IFT43: variants seen among roughly 807,000 people sequenced by gnomAD.
The protein encoded by IFT43 is intraflagellar transport protein 43 homolog.
A neutral mutation model predicts 32.3 loss-of-function variants in IFT43; 33 were observed. That is an observed-to-expected ratio of 1.02 (90% CI 0.77 to 1.37). The LOEUF (loss-of-function observed/expected upper bound fraction) is 1.37, where lower values mean the gene tolerates loss of function less well. Ranked by LOEUF, IFT43 falls within the 40% of genes most tolerant of loss-of-function variation. The pLI, the probability that IFT43 is intolerant of heterozygous loss-of-function variation, is 0.00. For missense variants in IFT43, 274 were observed against 265.9 expected (o/e 1.03, Z -0.21); for synonymous variants, 93 against 98.2 (o/e 0.95, Z 0.31).
At chr14:76,053,083 CTCT>C (rs2036945538) in intron 3 of IFT43, among the ~76,000 whole-genome samples, 1 of 152,082 alleles carries the variant, frequency 6.6e-6, no homozygotes, top group African/African-American at 2.4e-5. Flanking sequence ...TGAGCTCCTC[CTCT>C]GTGAAACAAA....
At chr14:75,985,953 C>G in intron 1 of IFT43, 113 bp downstream of exon 1, 5 of 1,539,974 alleles carry the variant, frequency 3.2e-6, no homozygotes, top group Non-Finnish European at 4.4e-6. Flanking sequence ...CGCGCCGCGC[C>G]GGGTGAGGCC....
intron 5 of IFT43, among the ~76,000 whole-genome samples, chr14:76,067,392 C>T (rs1355360937): frequency 6.6e-6 from 1 of 151,972 alleles, no homozygotes; most frequent in African/African-American, 2.4e-5. Context: ...ATGGTGAAAT[C>T]TTGTCTCTAC....
intron 5 of IFT43, among the ~76,000 whole-genome samples, chr14:76,065,992 T>C (rs1439057677): frequency 4.6e-5 from 7 of 152,186 alleles, no homozygotes; most frequent in Admixed American, 4.6e-4. Context: ...TAATAAATGG[T>C]AGCACCAGGG....
At chr14:76,022,823 T>C (rs1473839472) in intron 3 of IFT43, among the ~76,000 whole-genome samples, 1 of 152,274 alleles carries the variant, frequency 6.6e-6, no homozygotes, top group Non-Finnish European at 1.5e-5. Flanking sequence ...TGTAGCATTC[T>C]GTGTTCTTCT....
chr14:76,061,006 A>G (rs2037124632), intron 5 of IFT43, among the ~76,000 whole-genome samples: 1 of 151,830 alleles, frequency 6.6e-6, no homozygotes, highest in Non-Finnish European at 1.5e-5. Flanking sequence ...GGTTTAAGTA[A>G]TTCTCCTGCC....
chr14:76,033,997 G>T (rs1163594630), intron 3 of IFT43, among the ~76,000 whole-genome samples: 1 of 152,150 alleles, frequency 6.6e-6, no homozygotes, highest in Admixed American at 6.5e-5. Flanking sequence ...AGGCATTTTG[G>T]TTTAAGATCT....
intron 3 of IFT43, among the ~76,000 whole-genome samples, chr14:76,045,306 ATTC>A (rs932270460): frequency 6.6e-6 from 1 of 152,174 alleles, no homozygotes; most frequent in Non-Finnish European, 1.5e-5. Flanking sequence ...CATCCTTAGA[ATTC>A]TTCTCCTCCT....
chr14:76,080,572 AT>A (rs2037491595), intron 5 of IFT43, among the ~76,000 whole-genome samples: 1 of 152,118 alleles, frequency 6.6e-6, no homozygotes, highest in African/African-American at 2.4e-5. Flanking sequence ...CAACTTCTGA[AT>A]ATTCATCTCA....
intron 5 of IFT43, among the ~76,000 whole-genome samples, chr14:76,071,430 C>T (rs2037318715): frequency 6.6e-6 from 1 of 152,186 alleles, no homozygotes; most frequent in Non-Finnish European, 1.5e-5. Context: ...AGTTAAATAA[C>T]TCATCGAGGT....
At chr14:76,035,655 A>G (rs1308200518) in intron 3 of IFT43, among the ~76,000 whole-genome samples, 1 of 152,248 alleles carries the variant, frequency 6.6e-6, no homozygotes, top group African/African-American at 2.4e-5. Flanking sequence ...AGTTGCAAAC[A>G]TACGTTCTGT....
chr14:76,043,711 T>G (rs1010039537), intron 3 of IFT43, among the ~76,000 whole-genome samples: 3 of 152,244 alleles, frequency 2.0e-5, no homozygotes, highest in Non-Finnish European at 4.4e-5. Context: ...TGACACCAGA[T>G]GTATAGAAGT....
chr14:76,046,577 G>A (rs961631345), intron 3 of IFT43, among the ~76,000 whole-genome samples: 1 of 152,172 alleles, frequency 6.6e-6, no homozygotes, highest in Non-Finnish European at 1.5e-5. Flanking sequence ...ACAGGGAAGA[G>A]ACTGGATGAG....
At chr14:76,025,821 T>C (rs960891955) in intron 3 of IFT43, among the ~76,000 whole-genome samples, 1 of 152,132 alleles carries the variant, frequency 6.6e-6, no homozygotes, top group East Asian at 1.9e-4. Flanking sequence ...AAGACTTAAA[T>C]GTAAAACCCA....
chr14:76,046,869 C>G (rs1490720316), intron 3 of IFT43, among the ~76,000 whole-genome samples: 1 of 152,146 alleles, frequency 6.6e-6, no homozygotes, highest in Non-Finnish European at 1.5e-5. Context: ...TAACAAAGTA[C>G]CACAGTCTGG....
intron 3 of IFT43, among the ~76,000 whole-genome samples, chr14:76,036,991 A>C (rs557139077): frequency 5.3e-5 from 8 of 152,144 alleles, no homozygotes; most frequent in Non-Finnish European, 1.2e-4. Context: ...TGCCTGGCTA[A>C]ATGTTTAAAA....
At chr14:76,007,208 A>G (rs2035996085) in intron 2 of IFT43, among the ~76,000 whole-genome samples, 1 of 152,094 alleles carries the variant, frequency 6.6e-6, no homozygotes, top group Non-Finnish European at 1.5e-5. Context: ...AATGTGTACT[A>G]ATTTGCTAGC....
intron 5 of IFT43, among the ~76,000 whole-genome samples, chr14:76,081,120 T>C (rs1395978441): frequency 6.6e-6 from 1 of 152,244 alleles, no homozygotes; most frequent in Non-Finnish European, 1.5e-5. Context: ...GACACCAGGC[T>C]TGGAACTGAC....
chr14:76,003,652 T>A (rs2035930842), intron 2 of IFT43, among the ~76,000 whole-genome samples: 1 of 151,906 alleles, frequency 6.6e-6, no homozygotes. Context: ...ATTATGCCAC[T>A]TCATATAAAA....
At chr14:76,082,420 C>A in intron 6 of IFT43, 53 bp downstream of exon 6, 1 of 1,237,954 alleles carries the variant, frequency 8.1e-7, no homozygotes, top group Non-Finnish European at 1.2e-6. Context: ...AATTAATACA[C>A]TCCAGATATC....
Sources: gnomAD v4.1 joint callset for allele counts (sites outside exome capture counted in the v4.1 genomes callset) on GRCh38, gnomAD v4.1.1 for gene constraint, MANE v1.5 for transcripts, NCBI Gene and HGNC (gene_info 2026-07-23, HGNC 2026-07-21) for gene names.